Variants in HYAL4 observed in about 807,000 individuals in gnomAD.
The protein encoded by HYAL4 is hyaluronidase-4.
Under a neutral mutation model 35.2 loss-of-function variants are expected in HYAL4, and 37 were observed. That is an observed-to-expected ratio of 1.05 (90% CI 0.81 to 1.38). HYAL4 has a LOEUF of 1.38. Ranked by LOEUF, HYAL4 falls within the 40% of genes most tolerant of loss-of-function variation. The pLI is 0.00. For synonymous variants in HYAL4, 198 were observed against 203.2 expected, an observed-to-expected ratio of 0.97 and a Z score of 0.22; for missense variants, 572 against 572.4, an observed-to-expected ratio of 1.00 and a Z score of 0.01.
chr7:123,868,640 G>T lies in HYAL4; in HGVS notation c.367G>T (p.Glu123Ter). 6.2e-7 allele frequency: 1 copy of T among 1,614,004 alleles called. No individual in the cohort carries two copies. Among genetic ancestry groups the T allele is most frequent in the Non-Finnish European group, 8.5e-7 (1 of 1,179,988 alleles). ...PQNISLQVHL[E>*]KADQDINYYI... ...GAACATAAGTTTACAAGTACATCTGGAAAAAGCTGACCAAGATATTAATTA... is the reference window on the plus strand; with the variant it reads ...GAACATAAGTTTACAAGTACATCTGTAAAAAGCTGACCAAGATATTAATTA... The change falls in exon 3 of 5, where the codon GAA (glutamate) becomes TAA (stop). Residue 123 changes from glutamate (E) to a stop codon, truncating the protein, a stop_gained. Transcript: ENST00000223026. LOFTEE classifies it high-confidence loss of function.
At chr7:123,857,784 A>G (rs774214368) in intron 2 of HYAL4, among the ~76,000 whole-genome samples, 6 of 151,434 alleles carry the variant, frequency 4.0e-5, no homozygotes, top group Non-Finnish European at 8.8e-5. Flanking sequence ...ACTATTTGTT[A>G]TTTAAACCTG....
At chr7:123,839,594 T>C (rs1806020596) in intron 1 of HYAL4, among the ~76,000 whole-genome samples, 1 of 152,176 alleles carries the variant, frequency 6.6e-6, no homozygotes, top group African/African-American at 2.4e-5. Context: ...AATTTACACT[T>C]CCACCAACAG....
the HYAL4 span, among the ~76,000 whole-genome samples, chr7:123,766,120 A>G: frequency 6.6e-6 from 1 of 152,170 alleles, no homozygotes; most frequent in African/African-American, 2.4e-5. Context: ...AATTCCTAAT[A>G]GAAAAGGCCT....
chr7:123,803,036 C>G, the HYAL4 span, among the ~76,000 whole-genome samples: 1 of 152,074 alleles, frequency 6.6e-6, no homozygotes, highest in African/African-American at 2.4e-5. Context: ...AGTTGAGTAC[C>G]ACAAAGTTGA....
At chr7:123,871,392 G>A (rs1398780504) in intron 3 of HYAL4, among the ~76,000 whole-genome samples, 3 of 151,860 alleles carry the variant, frequency 2.0e-5, no homozygotes, top group South Asian at 2.1e-4. Context: ...GGGTTTTGCC[G>A]TGTTGGCCAG....
upstream of HYAL4, among the ~76,000 whole-genome samples, chr7:123,824,671 C>T (rs1805776089): frequency 1.3e-5 from 2 of 152,070 alleles, no homozygotes; most frequent in Admixed American, 1.3e-4. Flanking sequence ...ACTTCTTCCC[C>T]AGAAGTACCT....
the HYAL4 span, among the ~76,000 whole-genome samples, chr7:123,797,513 C>G: frequency 5.9e-5 from 9 of 152,206 alleles, no homozygotes; most frequent in African/African-American, 2.2e-4. Flanking sequence ...ACTTATTTTT[C>G]TTGCCTTTGC....
At chr7:123,849,414 C>T (rs1487770070) in intron 2 of HYAL4, among the ~76,000 whole-genome samples, 1 of 151,844 alleles carries the variant, frequency 6.6e-6, no homozygotes, top group African/African-American at 2.4e-5. Context: ...GATTCTTCTG[C>T]CTCAGCCTCC....
chr7:123,796,560 A>G, the HYAL4 span, among the ~76,000 whole-genome samples: 2 of 152,220 alleles, frequency 1.3e-5, no homozygotes, highest in African/African-American at 4.8e-5. Context: ...CAGAATTACC[A>G]TATGACCTAG....
the HYAL4 span, among the ~76,000 whole-genome samples, chr7:123,769,746 A>G: frequency 1.3e-5 from 2 of 151,736 alleles, no homozygotes; most frequent in Non-Finnish European, 2.9e-5. Flanking sequence ...TCTGCTCTAT[A>G]GTTTAAACAG....
At chr7:123,862,937 TC>T (rs1414157918) in intron 2 of HYAL4, among the ~76,000 whole-genome samples, 1 of 152,160 alleles carries the variant, frequency 6.6e-6, no homozygotes, top group Non-Finnish European at 1.5e-5. Context: ...CTTCTCTGGC[TC>T]CTTTTACCTA....
chr7:123,773,203 AAC>A, the HYAL4 span, among the ~76,000 whole-genome samples: 1 of 152,164 alleles, frequency 6.6e-6, no homozygotes, highest in African/African-American at 2.4e-5. Context: ...CTGTTAATGC[AAC>A]AAATAGTCCA....
At chr7:123,848,745 A>T (rs1314798750) in intron 2 of HYAL4, among the ~76,000 whole-genome samples, 1 of 152,152 alleles carries the variant, frequency 6.6e-6, no homozygotes, top group Non-Finnish European at 1.5e-5. Context: ...TTCATACCTA[A>T]TTTTATAGTT....
chr7:123,791,602 GCCATTTAC>G, the HYAL4 span, among the ~76,000 whole-genome samples: 4 of 152,298 alleles, frequency 2.6e-5, no homozygotes, highest in South Asian at 8.3e-4. Context: ...CACAGGGATA[GCCATTTAC>G]CCCTTGGCTC....
At chr7:123,824,100 A>G (rs573210675), upstream of HYAL4, among the ~76,000 whole-genome samples, 45 of 152,308 alleles carry the variant, frequency 3.0e-4, no homozygotes, top group African/African-American at 9.4e-4. Context: ...TTGAGTTTCA[A>G]TGCTCACTTT....
chr7:123,851,283 C>T (rs1806300343), intron 2 of HYAL4, among the ~76,000 whole-genome samples: 1 of 151,998 alleles, frequency 6.6e-6, no homozygotes, highest in Non-Finnish European at 1.5e-5. Context: ...TGGGATACAT[C>T]TGCAGAATGT....
chr7:123,824,129 G>A (rs1805766897), upstream of HYAL4, among the ~76,000 whole-genome samples: 1 of 152,158 alleles, frequency 6.6e-6, no homozygotes, highest in South Asian at 2.1e-4. Context: ...TACTAGCTGT[G>A]TGACCTTGAT....
the HYAL4 span, among the ~76,000 whole-genome samples, chr7:123,777,592 A>G: frequency 6.6e-6 from 1 of 152,186 alleles, no homozygotes; most frequent in Non-Finnish European, 1.5e-5. Flanking sequence ...CCTTGAGGAT[A>G]GGTTCTGTGT....
At chr7:123,832,294 A>C (rs1805895457) in intron 1 of HYAL4, among the ~76,000 whole-genome samples, 1 of 151,524 alleles carries the variant, frequency 6.6e-6, no homozygotes. Context: ...AATTTTTTTT[A>C]TTTCCATAGG....
Sources: gnomAD v4.1 joint callset for allele counts (sites outside exome capture counted in the v4.1 genomes callset) on GRCh38, gnomAD v4.1.1 for gene constraint, MANE v1.5 for transcripts, NCBI Gene and HGNC (gene_info 2026-07-23, HGNC 2026-07-21) for gene names.